Variants in CRX observed in about 807,000 individuals in gnomAD.
CRX encodes cone-rod homeobox protein.
A neutral mutation model predicts 13.1 loss-of-function variants in CRX; 5 were observed. That is an observed-to-expected ratio of 0.38 (90% CI 0.20 to 0.80). The LOEUF is 0.80. CRX is among the 30% of genes least tolerant of loss of function. The probability of loss-of-function intolerance (pLI) is 0.43; values close to 1 mark genes in which losing one functional copy is unlikely to be tolerated. For missense variants in CRX, 351 were observed against 391.8 expected (o/e 0.90, Z 0.88); for synonymous variants, 179 against 171.1 (o/e 1.05, Z -0.36).
At chr19:47,822,836 C>A (rs939409920) in intron 1 of CRX, among the ~76,000 whole-genome samples, 2 of 152,052 alleles carry the variant, frequency 1.3e-5, no homozygotes, top group Non-Finnish European at 2.9e-5. Context: ...CTCTGTTGCC[C>A]AAGCTGGAGT....
chr19:47,826,641 G>A, intron 1 of CRX, among the ~76,000 whole-genome samples: 1 of 152,162 alleles, frequency 6.6e-6, no homozygotes, highest in Non-Finnish European at 1.5e-5. Flanking sequence ...AAGCATCATA[G>A]TAATACAGTC....
At chr19:47,827,625 G>C (rs1329556915) in intron 1 of CRX, among the ~76,000 whole-genome samples, 1 of 132,240 alleles carries the variant, frequency 7.6e-6, no homozygotes, top group African/African-American at 2.9e-5. Flanking sequence ...TGCAACCTCC[G>C]CCTCCCGGGT....
chr19:47,841,189 G>A lies in CRX; in HGVS notation c.*1222G>A, dbSNP rs1174769467. The A allele has an allele frequency of 2.0e-5, 3 of 151,820 alleles. No homozygotes were observed. Among genetic ancestry groups the A allele is most frequent in the Non-Finnish European group, 2.9e-5 (2 of 67,960 alleles). 9.4% of individuals were successfully genotyped at this position (151,820 alleles called of 1,614,324 possible). ...TCAGGCTTACATGGTAGGTTTAGGGGACCGTTTGAGAGACAAAGATCTACA... is the reference window on the plus strand; with the variant it reads ...TCAGGCTTACATGGTAGGTTTAGGGAACCGTTTGAGAGACAAAGATCTACA... On this transcript the variant is annotated 3_prime_UTR_variant, in exon 4 of 4. Coordinates refer to ENST00000221996, the MANE Select transcript of CRX (RefSeq NM_000554.6).
intron 1 of CRX, among the ~76,000 whole-genome samples, chr19:47,831,263 C>T (rs1315256524): frequency 4.9e-5 from 7 of 143,676 alleles, no homozygotes; most frequent in Admixed American, 3.6e-4. Context: ...GCCGAGATCG[C>T]GCCACTGCAC....
At position 47,840,073 on chromosome 19, in the gene CRX, C is replaced by T. The variant is rs983641819; in HGVS notation, c.*106C>T. The T allele has an allele frequency of 2.4e-5, 33 of 1,362,694 alleles. No homozygotes were observed. The highest frequency in any genetic ancestry group is 6.0e-5 in the South Asian group (5 of 82,894). The allele number at this position is 1,362,694 out of a possible 1,614,324, so 84.4% of individuals were successfully genotyped here. The stretch of plus-strand genomic sequence containing the variant: ...GGATGGCATTCCTGAGAAAGCAACC[C>T]GAACCAGCTGTCCTTCTGACAGCTC... On this transcript the variant is annotated 3_prime_UTR_variant, in exon 4 of 4. Transcript: ENST00000221996.
rs1030462247 is a variant in CRX at position 47,834,491 on chromosome 19, G to A, written c.48G>A (p.Leu16=). 1 of 1,614,106 alleles carries A rather than the reference G, an allele frequency of 6.2e-7. No homozygotes were observed. Among genetic ancestry groups the A allele is most frequent in the Non-Finnish European group, 8.5e-7 (1 of 1,180,030 alleles). ...GGCCCCACTATTCTGTCAACGCCTT[G>A]GCCCTAAGTGGCCCCAGTGTGGATC... ...NPGPHYSVNA[L]ALSGPSVDLM... is the part of the protein sequence containing the mutation. Residue 16 remains leucine, a synonymous_variant, in exon 2 of 4, where the codon TTG becomes TTA. Coordinates refer to ENST00000221996, the MANE Select transcript of CRX (RefSeq NM_000554.6).
intron 1 of CRX, among the ~76,000 whole-genome samples, chr19:47,827,034 AG>A (rs2123731368): frequency 6.6e-6 from 1 of 152,188 alleles, no homozygotes; most frequent in South Asian, 2.1e-4. Flanking sequence ...CTTTCCTTAG[AG>A]CTAGCCTTGG....
At position 47,839,421 on chromosome 19, in the gene CRX, G is replaced by A. The variant is rs1266328918; in HGVS notation, c.354G>A (p.Lys118=). 1.2e-6 allele frequency: 2 copies of A among 1,613,732 alleles called. No homozygotes were observed. The highest frequency in any genetic ancestry group is 1.3e-5 in the African/African-American group (1 of 74,892). ...GCCAGGCCAAGGCCCGGCCTGCCAA[G>A]AGGAAGGCGGGCACGTCCCCAAGAC... ...PGGQAKARPA[K]RKAGTSPRPS... is the part of the protein sequence containing the mutation. The change falls in exon 4 of 4, where the codon AAG becomes AAA. Residue 118 remains lysine, a synonymous_variant. Coordinates refer to ENST00000221996, the MANE Select transcript of CRX (RefSeq NM_000554.6). The surrounding 1 kb of genome is among the most constrained non-coding windows in gnomAD (Gnocchi z 4.6).
At chr19:47,829,229 C>T (rs980375481) in intron 1 of CRX, among the ~76,000 whole-genome samples, 15 of 152,124 alleles carry the variant, frequency 9.9e-5, no homozygotes, top group African/African-American at 3.4e-4. Context: ...GGGTCTCCTG[C>T]CTCCGCTTCC....
chr19:47,839,311 AT>A lies in CRX; in HGVS notation c.253-8del, dbSNP rs1342393748. On this transcript the variant is annotated splice_polypyrimidine_tract_variant and splice_region_variant and intron_variant, in intron 3 of 3. Transcript: ENST00000221996. This position sits in a 1 kb window ranked among gnomAD's most constrained non-coding sequence, Gnocchi z 4.6. ...CTTACCCACCCCCATCTCCGCTCTT[AT>A]CCCCCAGGTTTGGTTCAAGAACCGG... 2 of 1,612,360 alleles carry A rather than the reference AT, an allele frequency of 1.2e-6. No individual in the cohort carries two copies. Among genetic ancestry groups the A allele is most frequent in the Non-Finnish European group, 1.7e-6 (2 of 1,179,378 alleles).
rs1347505857 is a variant in CRX, at chr19:47,839,172, G to A, written c.253-148G>A. ...ATTGGATGGATAGATGGATGGATGG[G>A]TGAATAGACGCCCCACAGCTGGATG... On this transcript the variant is annotated intron_variant, in intron 3 of 3. Coordinates refer to ENST00000221996, the MANE Select transcript of CRX (RefSeq NM_000554.6). This position sits in a 1 kb window ranked among gnomAD's most constrained non-coding sequence, Gnocchi z 4.6. The A allele has an allele frequency of 3.7e-6, 3 of 800,026 alleles. No homozygotes were observed. Among genetic ancestry groups the A allele is most frequent in the Admixed American group, 2.3e-5 (1 of 42,656 alleles). The allele number at this position is 800,026 out of a possible 1,614,324, so 49.6% of individuals were successfully genotyped here.
intron 2 of CRX, among the ~76,000 whole-genome samples, chr19:47,835,411 G>C (rs1484522208): frequency 1.3e-5 from 2 of 151,000 alleles, no homozygotes; most frequent in Non-Finnish European, 3.0e-5. Context: ...AGTTTAGACG[G>C]AGTTTCGCTC....
At chr19:47,827,836 TAAA>T (rs1156465404) in intron 1 of CRX, among the ~76,000 whole-genome samples, 722 of 41,344 alleles carry the variant, frequency 0.017, 5 homozygotes, top group Middle Eastern at 0.026. Context: ...GCATCTTTAT[TAAA>T]AAAAAAAAAA....
chr19:47,838,495 T>C (rs938497770), intron 3 of CRX, among the ~76,000 whole-genome samples: 4 of 152,112 alleles, frequency 2.6e-5, no homozygotes, highest in African/African-American at 9.7e-5. Flanking sequence ...GATGGATGGA[T>C]GAATGTGTAT....
chr19:47,839,225 C>T lies in CRX; in HGVS notation c.253-95C>T. ...AAGTAGACAGATGTGAACCCAGCACCTCTCACCAATAAGTGTCCTCATCCC... is the reference window on the plus strand; with the variant it reads ...AAGTAGACAGATGTGAACCCAGCACTTCTCACCAATAAGTGTCCTCATCCC... On this transcript the variant is annotated intron_variant, in intron 3 of 3. Coordinates refer to ENST00000221996, the MANE Select transcript of CRX (RefSeq NM_000554.6). The surrounding 1 kb of genome is among the most constrained non-coding windows in gnomAD (Gnocchi z 4.6). 1 of 1,354,062 alleles carries T rather than the reference C, an allele frequency of 7.4e-7. No homozygotes were observed. Among genetic ancestry groups the T allele is most frequent in the Non-Finnish European group, 1.0e-6 (1 of 986,054 alleles). 83.9% of individuals were successfully genotyped at this position (1,354,062 alleles called of 1,614,324 possible). A position where few individuals can be genotyped will look rare whatever the true frequency, so the allele number is the denominator to read the frequency against.
intron 1 of CRX, among the ~76,000 whole-genome samples, chr19:47,822,229 C>A (rs1967920818): frequency 6.6e-6 from 1 of 152,166 alleles, no homozygotes; most frequent in Non-Finnish European, 1.5e-5. Flanking sequence ...CAGGGACTGG[C>A]TGATGGCACT....
At chr19:47,828,110 A>T (rs8103989) in intron 1 of CRX, among the ~76,000 whole-genome samples, 2 of 151,286 alleles carry the variant, frequency 1.3e-5, no homozygotes, top group South Asian at 4.2e-4. Flanking sequence ...GCCGAGATCA[A>T]GCCATTGCAC....
chr19:47,837,326 C>T (rs577669011), intron 3 of CRX, among the ~76,000 whole-genome samples: 104 of 152,206 alleles, frequency 6.8e-4, no homozygotes, highest in African/African-American at 2.4e-3. Flanking sequence ...GCCACCACAC[C>T]GGGCTAATTT....
intron 1 of CRX, 61 bp from the exon 2 acceptor site, chr19:47,834,347 TG>T: frequency 1.1e-6 from 1 of 951,156 alleles, no homozygotes; most frequent in Non-Finnish European, 1.7e-6. Flanking sequence ...AATCGCAGCC[TG>T]CACGTCACCC....
Sources: allele counts gnomAD v4.1 joint callset (sites outside exome capture counted in the v4.1 genomes callset), GRCh38; gene constraint gnomAD v4.1.1; non-coding constraint Gnocchi (gnomAD v3.1); transcripts MANE v1.5; gene names NCBI Gene and HGNC (gene_info 2026-07-23, HGNC 2026-07-21).